Variants in NAMPT observed in about 807,000 individuals in gnomAD.
The protein encoded by NAMPT is nicotinamide phosphoribosyltransferase.
Under a neutral mutation model 58.7 loss-of-function variants are expected in NAMPT, and 7 were observed. The ratio of observed to expected loss-of-function variants is 0.12; its 90% confidence interval spans 0.07 to 0.22. The LOEUF is 0.22. NAMPT is among the 10% of genes least tolerant of loss of function. The probability of loss-of-function intolerance (pLI) is 1.00; values close to 1 mark genes in which losing one functional copy is unlikely to be tolerated. For synonymous variants in NAMPT, 145 were observed against 198.1 expected, an observed-to-expected ratio of 0.73 and a Z score of 2.25; for missense variants, 271 against 567.9, an observed-to-expected ratio of 0.48 and a Z score of 5.31.
In NAMPT at chr7:106,259,436, T is replaced by TC. The variant is rs1491437739; in HGVS notation, c.1089+2151dup. Among the ~76,000 whole-genome samples, 4 of 152,274 alleles carry TC rather than the reference T, an allele frequency of 2.6e-5. No homozygotes were observed. The South Asian group carries it at 6.2e-4, about 24-fold the overall frequency. On this transcript the variant is annotated intron_variant, in intron 8 of 10. Transcript: ENST00000222553. ...GCTACAGACTTAAGAATATATTTCTTCTTTTTTTTGAGACGGAGTTTCACT... is the reference window on the plus strand; with the variant it reads ...GCTACAGACTTAAGAATATATTTCTTCCTTTTTTTTGAGACGGAGTTTCACT...
intron 2 of NAMPT, 46 bp downstream of exon 2, chr7:106,276,967 CCTAAAGGAGT>C (rs1792659497): frequency 7.3e-7 from 1 of 1,361,596 alleles, no homozygotes; most frequent in African/African-American, 1.5e-5. Flanking sequence ...TAAAAGAACT[CCTAAAGGAGT>C]TAAGAGTAAT....
chr7:106,279,636 T>C (rs1371268530), intron 1 of NAMPT, among the ~76,000 whole-genome samples: 2 of 152,250 alleles, frequency 1.3e-5, no homozygotes, highest in Non-Finnish European at 2.9e-5. Flanking sequence ...TCAACTGTTA[T>C]TTTATAAATA....
At chr7:106,272,935 CTCA>C (rs149018623) in intron 3 of NAMPT, among the ~76,000 whole-genome samples, 1,574 of 152,288 alleles carry the variant, frequency 0.01, 29 homozygotes, top group African/African-American at 0.036. Flanking sequence ...AAATTCCAAA[CTCA>C]TCAAAACCAA....
intron 8 of NAMPT, among the ~76,000 whole-genome samples, chr7:106,261,167 A>T (rs927309240): frequency 2.0e-5 from 3 of 152,226 alleles, no homozygotes; most frequent in Non-Finnish European, 4.4e-5. Flanking sequence ...GTCAATGCTT[A>T]ATTTAGAAGA....
At chr7:106,267,855 A>AC (rs1792450847) in intron 6 of NAMPT, among the ~76,000 whole-genome samples, 9 of 121,542 alleles carry the variant, frequency 7.4e-5, no homozygotes, top group Admixed American at 3.4e-4. Flanking sequence ...AAAAAAAAAA[A>AC]AAAAAAAAAA....
intron 4 of NAMPT, chr7:106,272,174 A>C: frequency 3.1e-6 from 1 of 327,770 alleles, no homozygotes; most frequent in South Asian, 2.5e-5. Context: ...TCTAACTTGA[A>C]CATTTATCAT....
chr7:106,284,991 C>T (rs946421656), upstream of NAMPT: 3 of 1,441,894 alleles, frequency 2.1e-6, 1 homozygote, highest in Middle Eastern at 4.2e-4. Context: ...ACTGCTCGGT[C>T]GGCGGAGGAG....
At chr7:106,282,703 A>T (rs1287660246) in intron 1 of NAMPT, among the ~76,000 whole-genome samples, 1 of 152,240 alleles carries the variant, frequency 6.6e-6, no homozygotes, top group Non-Finnish European at 1.5e-5. Flanking sequence ...CTACCATACC[A>T]TCTACTTGCA....
At chr7:106,266,732 G>A (rs1260977375) in intron 6 of NAMPT, among the ~76,000 whole-genome samples, 1 of 152,072 alleles carries the variant, frequency 6.6e-6, no homozygotes, top group Non-Finnish European at 1.5e-5. Flanking sequence ...ACTACCTTCT[G>A]ATTTTTCCTT....
At position 106,269,193 on chromosome 7, in the gene NAMPT, C is replaced by T; in HGVS notation, c.567G>A (p.Lys189=). ...CTCCTCTGTAGCCAAAATCATGTAA[C>T]TTGTATTCCAGACCATCTAAGTTAC... is the stretch of plus-strand genomic sequence containing the variant. ...TSGNLDGLEY[K]LHDFGYRGVS... is the part of the protein sequence containing the mutation. Residue 189 remains lysine (K), a synonymous_variant, in exon 5 of 11, where the codon AAG becomes AAA. Coordinates refer to ENST00000222553, the MANE Select transcript of NAMPT (RefSeq NM_005746.3). 1 of 1,612,718 alleles carries T rather than the reference C, an allele frequency of 6.2e-7. No homozygotes were observed. The highest frequency in any genetic ancestry group is 8.5e-7 in the Non-Finnish European group (1 of 1,179,484).
At position 106,284,899 on chromosome 7, in the gene NAMPT, C is replaced by A; in HGVS notation, c.-15G>T. 6.3e-7 allele frequency: 1 copy of A among 1,578,528 alleles called. No homozygotes were observed. The highest frequency in any genetic ancestry group is 8.6e-7 in the Non-Finnish European group (1 of 1,161,414). The stretch of plus-strand genomic sequence containing the variant: ...GCAGGATTCATCTCGGGCCGGAGGA[C>A]AGGGGCCGCGCGCCGCGAGCTCCCT... On this transcript the variant is annotated 5_prime_UTR_variant, in exon 1 of 11. Coordinates refer to ENST00000222553, the MANE Select transcript of NAMPT (RefSeq NM_005746.3).
In NAMPT at chr7:106,267,866, A is replaced by AAAAAAAAAAAAAC. The variant is rs767872084; in HGVS notation, c.743+597_743+598insGTTTTTTTTTTTT. On this transcript the variant is annotated intron_variant, in intron 6 of 10. Coordinates refer to ENST00000222553, the MANE Select transcript of NAMPT (RefSeq NM_005746.3). The stretch of plus-strand genomic sequence containing the variant: ...AAAAAAAAAAAAAAAAAAAAAAAAA[A>AAAAAAAAAAAAAC]AAAAAAAAAACAACCTGATTTACTT... 1.6e-4 allele frequency among the ~76,000 whole-genome samples: 21 copies of AAAAAAAAAAAAAC among 133,644 alleles called. 1 individual carries two copies. Among genetic ancestry groups the AAAAAAAAAAAAAC allele is most frequent in the Admixed American group, 5.3e-4 (7 of 13,146 alleles). The allele number at this position is 133,644 out of a possible 152,430, so 87.7% of individuals were successfully genotyped here.
chr7:106,272,380 C>A, intron 4 of NAMPT, 150 bp downstream of exon 4: 1 of 616,024 alleles, frequency 1.6e-6, no homozygotes, highest in Non-Finnish European at 2.7e-6. Context: ...TTTAGTCTGT[C>A]ATTTTATAGA....
chr7:106,263,136 T>C, intron 7 of NAMPT: 1 of 452,662 alleles, frequency 2.2e-6, no homozygotes, highest in Non-Finnish European at 3.9e-6. Context: ...TGTTAATTAA[T>C]TTTGCAGGTA....
intron 2 of NAMPT, chr7:106,275,543 A>T (rs1792618511): frequency 6.5e-6 from 1 of 152,700 alleles, no homozygotes; most frequent in Non-Finnish European, 1.5e-5. Flanking sequence ...GTACCCACTT[A>T]TATGATGTTT....
intron 1 of NAMPT, among the ~76,000 whole-genome samples, chr7:106,280,699 T>C (rs1315259917): frequency 6.6e-6 from 1 of 152,094 alleles, no homozygotes; most frequent in Non-Finnish European, 1.5e-5. Flanking sequence ...CCCAGCACTT[T>C]GGGAGGCCAA....
At chr7:106,275,433 G>A (rs547467166) in intron 2 of NAMPT, 2 of 154,158 alleles carry the variant, frequency 1.3e-5, no homozygotes, top group South Asian at 3.8e-4. Context: ...GCATCTTTAG[G>A]GTTGGTAAGT....
intron 4 of NAMPT, chr7:106,272,262 A>G (rs1792550174): frequency 2.1e-5 from 6 of 286,048 alleles, no homozygotes; most frequent in South Asian, 8.1e-5. Context: ...TAAAATGGCA[A>G]TGAATTAGAT....
chr7:106,285,210 G>T, upstream of NAMPT: 1 of 1,127,848 alleles, frequency 8.9e-7, no homozygotes, highest in Non-Finnish European at 1.1e-6. Context: ...GCAGTGCGCG[G>T]AGGCGGGGCG....
Sources: gnomAD v4.1 joint callset for allele counts (sites outside exome capture counted in the v4.1 genomes callset) on GRCh38, gnomAD v4.1.1 for gene constraint, MANE v1.5 for transcripts, NCBI Gene and HGNC (gene_info 2026-07-23, HGNC 2026-07-21) for gene names.